The following SNED1 variants were observed in gnomAD, a reference collection of about 807,000 sequenced individuals.
The protein encoded by SNED1 is sushi, nidogen and EGF like domains 1.
Under a neutral mutation model 166.7 loss-of-function variants are expected in SNED1, and 81 were observed. The observed-to-expected ratio is 0.49, with a 90% CI of 0.41 to 0.58. The LOEUF is 0.58. Among genes scored for constraint, SNED1 ranks in the 20% least tolerant of loss-of-function variants. The probability of loss-of-function intolerance (pLI) is 0.00; values close to 1 mark genes in which losing one functional copy is unlikely to be tolerated. For synonymous variants in SNED1, 762 were observed against 822.0 expected, an observed-to-expected ratio of 0.93 and a Z score of 1.25; for missense variants, 1,604 against 2,000.2, an observed-to-expected ratio of 0.80 and a Z score of 3.78.
chr2:241,064,976 TCCAGTGAGGGAG>T lies in SNED1; in HGVS notation c.2713+23_2713+34del. Reference sequence around the variant, plus strand: ...GCCAAAGGTGGGTGGCGAGGGCGCCTCCAGTGAGGGAGCCACGAGGGGGTCCCCTCTCCCTAG... The same window carrying T: ...GCCAAAGGTGGGTGGCGAGGGCGCCTCCACGAGGGGGTCCCCTCTCCCTAG... On this transcript the variant is annotated intron_variant, in intron 20 of 31. Coordinates refer to ENST00000310397, the MANE Select transcript of SNED1 (RefSeq NM_001080437.3). The surrounding 1 kb of genome is among the most constrained non-coding windows in gnomAD (Gnocchi z 7.0). The T allele has an allele frequency of 6.5e-7, 1 of 1,542,168 alleles. No homozygotes were observed. The highest frequency in any genetic ancestry group is 8.7e-7 in the Non-Finnish European group (1 of 1,144,422).
rs368595228 is a variant in SNED1, at chr2:241,062,876, A to G, written c.2343A>G (p.Thr781=). 13 of 1,608,074 alleles carry G rather than the reference A, an allele frequency of 8.1e-6. No individual in the cohort carries two copies. In the African/African-American group the frequency reaches 1.1e-4, roughly 13 times the overall value. Residue 781 remains threonine, a synonymous_variant, in exon 17 of 32, where the codon ACA becomes ACG. Transcript: ENST00000310397. ...RVAGYLCLCS[T]GYEGAHCELE... ...CTGGGTACCTGTGCCTCTGCAGCAC[A>G]GGCTATGAGGGCGCCCACTGTGAGC...
chr2:241,008,244 C>T (rs1272964077), intron 1 of SNED1, among the ~76,000 whole-genome samples: 1 of 152,218 alleles, frequency 6.6e-6, no homozygotes, highest in Non-Finnish European at 1.5e-5. Flanking sequence ...CCAGGGGCTC[C>T]TGGGGCTGGC....
At chr2:241,063,983 C>A in intron 18 of SNED1, 29 bp from the exon 19 acceptor site, 1 of 1,493,556 alleles carries the variant, frequency 6.7e-7, no homozygotes, top group Non-Finnish European at 9.1e-7. Context: ...CCCCTTGCAG[C>A]TTGGGCCCAC....
intron 1 of SNED1, among the ~76,000 whole-genome samples, chr2:241,029,600 A>C (rs2061097576): frequency 6.6e-6 from 1 of 152,268 alleles, no homozygotes; most frequent in Non-Finnish European, 1.5e-5. Context: ...ACCAGAGCAC[A>C]GAGAGGTCGG....
At chr2:241,030,172 G>A in intron 1 of SNED1, 112 bp from the exon 2 acceptor site, 1 of 1,054,386 alleles carries the variant, frequency 9.5e-7, no homozygotes, top group Non-Finnish European at 1.4e-6. Flanking sequence ...ACCCTGCCCA[G>A]GACTGGCTTC....
chr2:241,029,474 A>G (rs1387071646), intron 1 of SNED1, among the ~76,000 whole-genome samples: 5 of 152,000 alleles, frequency 3.3e-5, no homozygotes, highest in African/African-American at 1.2e-4. Context: ...TTATTGCCTA[A>G]TCACCTTCCA....
chr2:241,094,154 C>T lies in SNED1; in HGVS notation c.*2518C>T. 2.7e-6 allele frequency: 1 copy of T among 368,456 alleles called. No individual in the cohort carries two copies. The highest frequency in any genetic ancestry group is 5.6e-6 in the Non-Finnish European group (1 of 179,000). The allele number at this position is 368,456 out of a possible 1,614,324, so 22.8% of individuals were successfully genotyped here. A position where few individuals can be genotyped will look rare whatever the true frequency, so the allele number is the denominator to read the frequency against. ...CTATGGCCAAGCAAGGCAATAAAGA[C>T]AAACTCTCCCTTTTCCCCATTGCGT... is the stretch of plus-strand genomic sequence containing the variant. On this transcript the variant is annotated 3_prime_UTR_variant, in exon 32 of 32. Coordinates refer to ENST00000310397, the MANE Select transcript of SNED1 (RefSeq NM_001080437.3). The surrounding 1 kb of genome is among the most constrained non-coding windows in gnomAD (Gnocchi z 4.3).
chr2:241,032,285 G>A (rs1004583414), intron 2 of SNED1, among the ~76,000 whole-genome samples: 1 of 152,042 alleles, frequency 6.6e-6, no homozygotes. Context: ...GGGAGGCAGA[G>A]GTTGCAGTGA....
chr2:241,020,200 C>G (rs534593557), intron 1 of SNED1, among the ~76,000 whole-genome samples: 11 of 152,372 alleles, frequency 7.2e-5, no homozygotes, highest in African/African-American at 2.6e-4. Flanking sequence ...TCTGCTGGCC[C>G]TTGGGCAGAC....
chr2:241,082,441 C>A, intron 29 of SNED1, 77 bp downstream of exon 29: 1 of 1,090,784 alleles, frequency 9.2e-7, no homozygotes. Flanking sequence ...CTCAAAGCTA[C>A]CCAGCTAACC....
intron 2 of SNED1, 105 bp from the exon 3 acceptor site, chr2:241,033,630 C>T: frequency 7.6e-7 from 1 of 1,313,302 alleles, no homozygotes; most frequent in Admixed American, 2.7e-5. Flanking sequence ...TTGAGCAAGC[C>T]AGGGGCCCAG....
intron 8 of SNED1, among the ~76,000 whole-genome samples, chr2:241,043,947 G>A (rs1347330490): frequency 6.6e-6 from 1 of 152,194 alleles, no homozygotes; most frequent in Admixed American, 6.5e-5. Context: ...AGAAATGGAA[G>A]TATAATATTG....
intron 1 of SNED1, among the ~76,000 whole-genome samples, chr2:241,007,750 G>A (rs927471463): frequency 1.3e-5 from 2 of 152,110 alleles, no homozygotes; most frequent in Non-Finnish European, 2.9e-5. Flanking sequence ...ATTTACCCAT[G>A]CCCTAACTTT....
At chr2:241,059,655 CA>C (rs1292352647) in intron 16 of SNED1, among the ~76,000 whole-genome samples, 1 of 152,234 alleles carries the variant, frequency 6.6e-6, no homozygotes, top group African/African-American at 2.4e-5. Context: ...TGTACTTCAT[CA>C]TATTAGGAGA....
chr2:241,085,930 G>A (rs771209559), intron 29 of SNED1, among the ~76,000 whole-genome samples: 6 of 145,016 alleles, frequency 4.1e-5, no homozygotes, highest in Admixed American at 7.1e-5. Flanking sequence ...GCAGTGGAGC[G>A]ATCTCAGCTC....
chr2:241,012,039 C>T (rs1414485236), intron 1 of SNED1, among the ~76,000 whole-genome samples: 1 of 152,182 alleles, frequency 6.6e-6, no homozygotes, highest in Non-Finnish European at 1.5e-5. Context: ...ACACCGCACA[C>T]CTGCAAGCTA....
chr2:241,090,253 A>AAC, intron 31 of SNED1: 3 of 1,515,106 alleles, frequency 2.0e-6, no homozygotes, highest in Non-Finnish European at 2.7e-6. Flanking sequence ...CTAAGACACA[A>AAC]ACACACACAT....
chr2:241,022,150 G>T (rs111408951), intron 1 of SNED1, among the ~76,000 whole-genome samples: 9 of 152,170 alleles, frequency 5.9e-5, no homozygotes, highest in African/African-American at 2.2e-4. Context: ...ATTATGATTT[G>T]CAGGTACATT....
At chr2:241,053,841 C>T (rs1343032952) in intron 16 of SNED1, among the ~76,000 whole-genome samples, 4 of 152,218 alleles carry the variant, frequency 2.6e-5, no homozygotes, top group Admixed American at 6.5e-5. Context: ...TCCCTCTGAC[C>T]GAAGCCCCTG....
Sources: gnomAD v4.1 joint callset for allele counts (sites outside exome capture counted in the v4.1 genomes callset) on GRCh38, gnomAD v4.1.1 for gene constraint, Gnocchi (gnomAD v3.1) non-coding constraint, MANE v1.5 for transcripts, NCBI Gene and HGNC (gene_info 2026-07-23, HGNC 2026-07-21) for gene names.